The following SLC27A2 variants were observed in gnomAD, a reference collection of about 807,000 sequenced individuals.
SLC27A2 encodes solute carrier family 27 member 2.
A neutral mutation model predicts 60.0 loss-of-function variants in SLC27A2; 54 were observed. That is an observed-to-expected ratio of 0.90 (90% CI 0.72 to 1.13). The LOEUF is 1.13. Ranked by LOEUF, SLC27A2 falls within the 50% of genes most tolerant of loss-of-function variation. The pLI is 0.00. For missense variants in SLC27A2, 739 were observed against 777.6 expected (o/e 0.95, Z 0.59); for synonymous variants, 297 against 297.6 (o/e 1.00, Z 0.02).
chr15:50,203,939 C>G (rs1012822875), intron 3 of SLC27A2, among the ~76,000 whole-genome samples: 5 of 152,080 alleles, frequency 3.3e-5, no homozygotes, highest in African/African-American at 1.2e-4. Flanking sequence ...ATCGGGACTT[C>G]CCAGCCTCCA....
At chr15:50,213,029 C>T (rs1438482561) in intron 4 of SLC27A2, among the ~76,000 whole-genome samples, 1 of 152,186 alleles carries the variant, frequency 6.6e-6, no homozygotes, top group African/African-American at 2.4e-5. Flanking sequence ...TGGATAAGAA[C>T]TCACCAACCA....
chr15:50,234,227 C>T (rs1452187238), intron 9 of SLC27A2, among the ~76,000 whole-genome samples: 1 of 152,132 alleles, frequency 6.6e-6, no homozygotes, highest in Admixed American at 6.5e-5. Context: ...GGGAAGATTG[C>T]TTGAGCTCAG....
rs139001271 is a variant in SLC27A2, at chr15:50,182,994, G to A, written c.478+89G>A. 6.9e-4 allele frequency: 907 copies of A among 1,320,180 alleles called. 7 individuals carry two copies. The Admixed American group carries it at 9.9e-3, about 14-fold the overall frequency. The allele number at this position is 1,320,180 out of a possible 1,614,324, so 81.8% of individuals were successfully genotyped here. A position where few individuals can be genotyped will look rare whatever the true frequency, so the allele number is the denominator to read the frequency against. On this transcript the variant is annotated intron_variant, in intron 1 of 9. Coordinates refer to ENST00000267842, the MANE Select transcript of SLC27A2 (RefSeq NM_003645.4). ...CAGCGTGGCATAAGGGGTTCGCAGAGGGAGGTTCAGATCGGAACTGTAGGT... is the reference window on the plus strand; with the variant it reads ...CAGCGTGGCATAAGGGGTTCGCAGAAGGAGGTTCAGATCGGAACTGTAGGT...
chr15:50,195,810 C>T (rs986926025), intron 1 of SLC27A2, among the ~76,000 whole-genome samples: 2 of 151,300 alleles, frequency 1.3e-5, no homozygotes, highest in African/African-American at 4.9e-5. Flanking sequence ...CTACCCAGCA[C>T]TTTGGGAGGC....
chr15:50,233,878 T>C lies in SLC27A2; in HGVS notation c.1566T>C (p.Gly522=). The change falls in exon 9 of 10, where the codon GGT becomes GGC. Residue 522 remains glycine, a synonymous_variant. Transcript: ENST00000267842. ...VYGVHVPDHE[G]RIGMASIKMK... ...TCACTTTATTTCTAGATCATGAGGG[T>C]CGCATTGGCATGGCCTCCATCAAAA... is the stretch of plus-strand genomic sequence containing the variant. 1 of 1,612,518 alleles carries C rather than the reference T, an allele frequency of 6.2e-7. No homozygotes were observed. The highest frequency in any genetic ancestry group is 8.5e-7 in the Non-Finnish European group (1 of 1,179,268).
At chr15:50,200,653 G>A (rs1427444234) in intron 2 of SLC27A2, among the ~76,000 whole-genome samples, 2 of 152,154 alleles carry the variant, frequency 1.3e-5, no homozygotes, top group African/African-American at 2.4e-5. Context: ...TACCCACTCA[G>A]ATCTTAAACT....
At chr15:50,225,420 ATATAT>A (rs1251924007) in intron 5 of SLC27A2, among the ~76,000 whole-genome samples, 19 of 152,330 alleles carry the variant, frequency 1.2e-4, no homozygotes, top group African/African-American at 4.3e-4. Flanking sequence ...CGATTCTAAA[ATATAT>A]TAGATAACAT....
intron 4 of SLC27A2, among the ~76,000 whole-genome samples, chr15:50,219,153 A>G (rs1471343468): frequency 6.6e-6 from 1 of 152,240 alleles, no homozygotes; most frequent in Non-Finnish European, 1.5e-5. Context: ...AGAGAATAGG[A>G]AAGAACTGAA....
chr15:50,200,701 T>C (rs1264644703), intron 2 of SLC27A2, among the ~76,000 whole-genome samples: 2 of 152,180 alleles, frequency 1.3e-5, no homozygotes, highest in Non-Finnish European at 2.9e-5. Flanking sequence ...CCCTCCCCAA[T>C]TGAACTGTTC....
intron 3 of SLC27A2, among the ~76,000 whole-genome samples, chr15:50,204,923 A>AATAT (rs1045974258): frequency 6.8e-6 from 1 of 146,844 alleles, no homozygotes; most frequent in African/African-American, 2.5e-5. Flanking sequence ...TATATAATAT[A>AATAT]ATATATATAT....
At chr15:50,220,604 C>T (rs963719005) in intron 4 of SLC27A2, among the ~76,000 whole-genome samples, 1 of 152,150 alleles carries the variant, frequency 6.6e-6, no homozygotes, top group Non-Finnish European at 1.5e-5. Flanking sequence ...CTCAGGTGAT[C>T]TTCTTTAAGC....
In SLC27A2 at chr15:50,182,775, C is replaced by G; in HGVS notation, c.348C>G (p.Ala116=). ...CGCTCCTTATGGGTAACGAGCCGGC[C>G]TACGTGTGGCTGTGGCTGGGGCTGG... ...CVALLMGNEP[A]YVWLWLGLVK... The change falls in exon 1 of 10, where the codon GCC becomes GCG. Residue 116 remains alanine, a synonymous_variant. Coordinates refer to ENST00000267842, the MANE Select transcript of SLC27A2 (RefSeq NM_003645.4). The G allele has an allele frequency of 6.2e-7, 1 of 1,613,894 alleles. No homozygotes were observed. The highest frequency in any genetic ancestry group is 8.5e-7 in the Non-Finnish European group (1 of 1,179,964).
At chr15:50,191,210 A>T (rs2044970718) in intron 1 of SLC27A2, 1 of 152,242 alleles carries the variant, frequency 6.6e-6, no homozygotes, top group South Asian at 2.1e-4. Flanking sequence ...CAACAGTTCT[A>T]TGCAAATGAA....
At chr15:50,189,019 A>ATAGC (rs1322554766) in intron 1 of SLC27A2, among the ~76,000 whole-genome samples, 4 of 151,908 alleles carry the variant, frequency 2.6e-5, no homozygotes, top group African/African-American at 9.7e-5. Context: ...AGATAGATAG[A>ATAGC]TAGATAGATG....
At chr15:50,226,188 A>G (rs772867845) in intron 6 of SLC27A2, 110 bp downstream of exon 6, 1 of 686,158 alleles carries the variant, frequency 1.5e-6, no homozygotes, top group African/African-American at 1.8e-5. Flanking sequence ...GAGTGGGGAA[A>G]AGGGGGGTTT....
At chr15:50,218,152 T>TAAAACAAG (rs893092207) in intron 4 of SLC27A2, among the ~76,000 whole-genome samples, 1 of 148,522 alleles carries the variant, frequency 6.7e-6, no homozygotes, top group Non-Finnish European at 1.5e-5. Context: ...ATTGTATCCA[T>TAAAACAAG]AAAACAAGAA....
intron 1 of SLC27A2, among the ~76,000 whole-genome samples, chr15:50,192,705 C>T (rs927288696): frequency 4.7e-5 from 7 of 150,224 alleles, no homozygotes; most frequent in African/African-American, 7.4e-5. Context: ...CCACCACATC[C>T]GGCTAATATT....
chr15:50,215,377 T>C (rs1246426678), intron 4 of SLC27A2, among the ~76,000 whole-genome samples: 1 of 152,016 alleles, frequency 6.6e-6, no homozygotes, highest in East Asian at 1.9e-4. Context: ...ATTGTGAAAA[T>C]GACCATACTG....
chr15:50,189,366 G>T (rs2044954710), intron 1 of SLC27A2, among the ~76,000 whole-genome samples: 1 of 152,048 alleles, frequency 6.6e-6, no homozygotes, highest in African/African-American at 2.4e-5. Flanking sequence ...CAGGTGGTGA[G>T]CACAGGATGG....
Sources: allele counts gnomAD v4.1 joint callset (sites outside exome capture counted in the v4.1 genomes callset), GRCh38; gene constraint gnomAD v4.1.1; transcripts MANE v1.5; gene names NCBI Gene and HGNC (gene_info 2026-07-23, HGNC 2026-07-21).